NEBL: variants seen among roughly 807,000 people sequenced by gnomAD.
NEBL encodes the protein LIM and SH3 protein 2.
In NEBL, 122 loss-of-function variants were observed where a neutral mutation model predicts 140.2. The ratio of observed to expected loss-of-function variants is 0.87; its 90% CI spans 0.75 to 1.01. The LOEUF is 1.01. Among genes scored for constraint, NEBL ranks in the 50% least tolerant of loss-of-function variants. The pLI is 0.00. For synonymous variants in NEBL, 436 were observed against 398.9 expected, an observed-to-expected ratio of 1.09 and a Z score of -1.11; for missense variants, 1,365 against 1,231.3, an observed-to-expected ratio of 1.11 and a Z score of -1.62.
chr10:20,978,754 C>CA (rs60280860), intron 3 of NEBL, among the ~76,000 whole-genome samples: 20,129 of 133,862 alleles, frequency 0.15, 3,052 homozygotes, highest in East Asian at 0.41. Context: ...GACCCTATCT[C>CA]AAAAAAAAAA....
intron 4 of NEBL, among the ~76,000 whole-genome samples, chr10:20,919,769 CTAACT>C: frequency 6.6e-6 from 1 of 152,028 alleles, no homozygotes; most frequent in Non-Finnish European, 1.5e-5. Context: ...GAAACCATTC[CTAACT>C]CAAAATCCGG....
chr10:21,142,082 T>C (rs940436637), intron 2 of NEBL, among the ~76,000 whole-genome samples: 3 of 152,122 alleles, frequency 2.0e-5, no homozygotes, highest in Non-Finnish European at 4.4e-5. Flanking sequence ...AAAGACCTCA[T>C]TCAGTGGCAA....
chr10:21,272,536 C>G (rs1842872437), intron 1 of NEBL, among the ~76,000 whole-genome samples: 1 of 152,102 alleles, frequency 6.6e-6, no homozygotes, highest in Admixed American at 6.6e-5. Flanking sequence ...TTACAGTGAG[C>G]TATGATCACA....
chr10:20,940,042 C>A (rs1032977044), intron 4 of NEBL, among the ~76,000 whole-genome samples: 1 of 151,278 alleles, frequency 6.6e-6, no homozygotes, highest in Non-Finnish European at 1.5e-5. Context: ...AGAAAGTTAA[C>A]AAGGATACCC....
At chr10:21,012,017 G>T (rs1838359822) in intron 3 of NEBL, among the ~76,000 whole-genome samples, 1 of 152,220 alleles carries the variant, frequency 6.6e-6, no homozygotes. Flanking sequence ...CCACTGAGGT[G>T]GGAGGAGATT....
intron 2 of NEBL, among the ~76,000 whole-genome samples, chr10:20,896,569 C>A (rs1847513879): frequency 7.1e-6 from 1 of 141,322 alleles, no homozygotes; most frequent in East Asian, 2.0e-4. Flanking sequence ...TTCAGAAGGC[C>A]CCAAAATGTT....
intron 1 of NEBL, among the ~76,000 whole-genome samples, chr10:21,278,476 T>C (rs1278162649): frequency 6.6e-6 from 1 of 152,134 alleles, no homozygotes; most frequent in Non-Finnish European, 1.5e-5. Context: ...TGTGGGGCTG[T>C]TCTCAGTGAT....
chr10:20,897,038 A>G lies in NEBL; in HGVS notation c.82-9T>C, dbSNP rs1209852879. ...ACAGGCTTATAGAAGACCTATTTGA[A>G]AAAAAAGAAAAGAACAGAAAGAACA... On this transcript the variant is annotated splice_polypyrimidine_tract_variant and intron_variant, in intron 1 of 27. Coordinates refer to ENST00000377122, the MANE Select transcript of NEBL (RefSeq NM_006393.3). 4 of 1,612,858 alleles carry G rather than the reference A, an allele frequency of 2.5e-6. No homozygotes were observed. The highest frequency in any genetic ancestry group is 3.4e-6 in the Non-Finnish European group (4 of 1,179,214).
chr10:21,224,299 C>T (rs1379992085), intron 3 of NEBL, among the ~76,000 whole-genome samples: 1 of 152,086 alleles, frequency 6.6e-6, no homozygotes, highest in Non-Finnish European at 1.5e-5. Flanking sequence ...GTTCTTGGCA[C>T]TTTTGTTGAA....
intron 4 of NEBL, among the ~76,000 whole-genome samples, chr10:20,930,803 C>A (rs1271738592): frequency 6.6e-6 from 1 of 152,150 alleles, no homozygotes; most frequent in African/African-American, 2.4e-5. Context: ...GCATGGAGAT[C>A]CAGGACCCAA....
At chr10:20,841,310 CTTTCA>C (rs1292038550) in intron 12 of NEBL, 2 of 171,628 alleles carry the variant, frequency 1.2e-5, no homozygotes, top group African/African-American at 4.8e-5. Flanking sequence ...GCAGAAACCA[CTTTCA>C]TTTGACTCAG....
intron 3 of NEBL, among the ~76,000 whole-genome samples, chr10:21,243,402 G>C (rs1842468229): frequency 1.3e-5 from 2 of 150,938 alleles, no homozygotes; most frequent in South Asian, 2.1e-4. Context: ...TGCCTCCCAG[G>C]TTCAAGCAAT....
intron 26 of NEBL, among the ~76,000 whole-genome samples, chr10:20,803,932 A>G (rs1393676137): frequency 6.6e-6 from 1 of 150,952 alleles, no homozygotes; most frequent in Non-Finnish European, 1.5e-5. Flanking sequence ...AAATGTAAGA[A>G]TCTTCTTGAA....
intron 2 of NEBL, among the ~76,000 whole-genome samples, chr10:21,045,097 C>T (rs976188398): frequency 6.6e-6 from 1 of 152,150 alleles, no homozygotes; most frequent in Admixed American, 6.5e-5. Context: ...TTCTCATGGG[C>T]CTCCATAAAT....
intron 2 of NEBL, among the ~76,000 whole-genome samples, chr10:21,152,388 A>T (rs189007439): frequency 1.3e-5 from 2 of 152,204 alleles, no homozygotes; most frequent in Non-Finnish European, 2.9e-5. Context: ...AAAGTTATAC[A>T]ATGCCCCTGG....
At chr10:21,095,587 T>C (rs374711781) in intron 2 of NEBL, among the ~76,000 whole-genome samples, 1 of 152,240 alleles carries the variant, frequency 6.6e-6, no homozygotes, top group East Asian at 1.9e-4. Flanking sequence ...GTGATTTTAA[T>C]GTAAGTAGAG....
At chr10:21,124,541 A>T (rs939572490) in intron 2 of NEBL, among the ~76,000 whole-genome samples, 1 of 152,220 alleles carries the variant, frequency 6.6e-6, no homozygotes, top group Non-Finnish European at 1.5e-5. Context: ...GGTCACTTTT[A>T]ACAAGTTAAG....
At chr10:21,216,166 G>A (rs547209544) in intron 3 of NEBL, among the ~76,000 whole-genome samples, 2 of 152,252 alleles carry the variant, frequency 1.3e-5, no homozygotes, top group Admixed American at 6.5e-5. Flanking sequence ...GCCACGAGTT[G>A]TCTACAGAGT....
At chr10:21,017,342 T>C (rs1340357968) in intron 3 of NEBL, among the ~76,000 whole-genome samples, 2 of 152,184 alleles carry the variant, frequency 1.3e-5, no homozygotes, top group Non-Finnish European at 2.9e-5. Flanking sequence ...TTGAATTGCA[T>C]TGAATTTCCC....
Sources: gnomAD v4.1 joint callset for allele counts (sites outside exome capture counted in the v4.1 genomes callset) on GRCh38, gnomAD v4.1.1 for gene constraint, MANE v1.5 for transcripts, NCBI Gene and HGNC (gene_info 2026-07-23, HGNC 2026-07-21) for gene names.